Variants in MTTP observed in about 807,000 individuals in gnomAD.
MTTP encodes the protein microsomal triglyceride transfer protein.
MTTP carries 49 observed loss-of-function variants against 90.6 expected under a neutral mutation model. The ratio of observed to expected loss-of-function variants is 0.54; its 90% CI spans 0.43 to 0.69. MTTP has a LOEUF of 0.69. Among genes scored for constraint, MTTP ranks in the 30% least tolerant of loss-of-function variants. The pLI is 0.00. For missense variants in MTTP, 945 were observed against 1,067.5 expected, an observed-to-expected ratio of 0.89 and a Z score of 1.60; for synonymous variants, 347 against 384.2, an observed-to-expected ratio of 0.90 and a Z score of 1.13.
chr4:99,621,331 G>A, intron 17 of MTTP, 100 bp downstream of exon 17: 1 of 1,395,258 alleles, frequency 7.2e-7, no homozygotes, highest in Non-Finnish European at 1.0e-6. Context: ...AAACAAAACA[G>A]TAGAAACCCA....
chr4:99,589,901 C>G (rs1725372394), intron 4 of MTTP, 151 bp downstream of exon 4: 1 of 652,126 alleles, frequency 1.5e-6, no homozygotes, highest in Non-Finnish European at 2.7e-6. Flanking sequence ...AAACAATTGC[C>G]ATTTATCCCA....
rs1214300294 is a variant in MTTP at position 99,623,440 on chromosome 4, T to A, written c.*592T>A. On this transcript the variant is annotated 3_prime_UTR_variant, in exon 18 of 18. Coordinates refer to ENST00000265517, the MANE Select transcript of MTTP (RefSeq NM_001386140.1). ...TCTCTGTTATTGTTAGTTTTAAGCC[T>A]TAAGGTAGAAGGCACATAGAAATAA... 1.3e-5 allele frequency: 2 copies of A among 156,918 alleles called. No individual in the cohort carries two copies. The highest frequency in any genetic ancestry group is 3.8e-4 in the East Asian group (2 of 5,316). 9.7% of individuals were successfully genotyped at this position (156,918 alleles called of 1,614,324 possible).
Position 99,581,953 on chromosome 4 carries a change from C to G in MTTP, c.110C>G (p.Thr37Arg). The change falls in exon 2 of 18, where the codon ACG (threonine) becomes AGG (arginine). Residue 37 changes from threonine (T) to arginine (R), a missense_variant. Transcript: ENST00000265517. ...SLNNDRLYKLTYSTEVLLDRG... is the reference protein window; with the variant it reads ...SLNNDRLYKLRYSTEVLLDRG... ...AATAATGACCGGCTGTACAAGCTCA[C>G]GTACTCCACTGAAGTTCTTCTTGAT... 6.2e-7 allele frequency: 1 copy of G among 1,614,134 alleles called. No homozygotes were observed. Among genetic ancestry groups the G allele is most frequent in the Non-Finnish European group, 8.5e-7 (1 of 1,179,992 alleles).
chr4:99,569,532 T>G (rs1437856009), intron 1 of MTTP, among the ~76,000 whole-genome samples: 1 of 152,038 alleles, frequency 6.6e-6, no homozygotes, highest in Non-Finnish European at 1.5e-5. Flanking sequence ...AATCTTTGTG[T>G]TATTTTAGCA....
chr4:99,612,913 G>A lies in MTTP; in HGVS notation c.1990G>A (p.Val664Met). Residue 664 changes from valine to methionine, a missense_variant and splice_region_variant, in exon 15 of 18, where the codon GTG (valine) becomes ATG (methionine). By Grantham distance (21) the Val-to-Met change is conservative (BLOSUM62 1). Transcript: ENST00000265517. ...TGAACATTATATTGATTTTATCCAG[G>A]TGGTTATTGAAGCCCAAGGACTGGA... ...IGKAGLHGSQ[V>M]VIEAQGLEAL... 1 of 1,613,372 alleles carries A rather than the reference G, an allele frequency of 6.2e-7. No individual in the cohort carries two copies. Among genetic ancestry groups the A allele is most frequent in the South Asian group, 1.1e-5 (1 of 91,070 alleles).
At chr4:99,584,070 A>G (rs1395506854) in intron 3 of MTTP, 1 of 153,430 alleles carries the variant, frequency 6.5e-6, no homozygotes, top group African/African-American at 2.4e-5. Flanking sequence ...ATATATTAAA[A>G]TAATGATTGA....
chr4:99,620,647 G>A (rs1008827380), intron 16 of MTTP, among the ~76,000 whole-genome samples: 1 of 152,218 alleles, frequency 6.6e-6, no homozygotes, highest in Non-Finnish European at 1.5e-5. Context: ...CAGAGAGATA[G>A]TTAACAAAAA....
Position 99,616,888 on chromosome 4 carries a change from G to C in MTTP, c.2218-2086G>C, listed in dbSNP as rs1480643713. On this transcript the variant is annotated intron_variant, in intron 15 of 17. Transcript: ENST00000265517. Reference sequence around the variant, plus strand: ...GAAATGGCCTTTTCCATGGCACTTGGTGTATTTTGCCTTCCATTTAATATA... The same window carrying C: ...GAAATGGCCTTTTCCATGGCACTTGCTGTATTTTGCCTTCCATTTAATATA... Among the ~76,000 whole-genome samples, 4 of 152,186 alleles carry C rather than the reference G, an allele frequency of 2.6e-5. No individual in the cohort carries two copies. The East Asian group carries it at 5.8e-4, about 22-fold the overall frequency.
chr4:99,618,072 C>T (rs900194731), intron 15 of MTTP, among the ~76,000 whole-genome samples: 1 of 151,938 alleles, frequency 6.6e-6, no homozygotes, highest in African/African-American at 2.4e-5. Flanking sequence ...TATAGCAAAA[C>T]GACAGTATAT....
chr4:99,616,966 G>T (rs1726112626), intron 15 of MTTP, among the ~76,000 whole-genome samples: 2 of 152,182 alleles, frequency 1.3e-5, no homozygotes, highest in Non-Finnish European at 2.9e-5. Flanking sequence ...GGACTGGGTG[G>T]ATGAACAAGA....
rs779068565 is a variant in MTTP, at chr4:99,581,973, C to G, written c.130C>G (p.Leu44Val). The stretch of plus-strand genomic sequence containing the variant: ...GCTCACGTACTCCACTGAAGTTCTT[C>G]TTGATCGGGGCAAAGGAAAACTGCA... ...YKLTYSTEVL[L>V]DRGKGKLQDS... The change falls in exon 2 of 18, where the codon CTT (leucine) becomes GTT (valine). Residue 44 changes from leucine (L) to valine (V), a missense_variant. Leu to Val is a conservative substitution (Grantham distance 32). Transcript: ENST00000265517. 6.3e-5 allele frequency: 102 copies of G among 1,614,050 alleles called. No individual in the cohort carries two copies. Among genetic ancestry groups the G allele is most frequent in the Non-Finnish European group, 8.6e-5 (101 of 1,180,022 alleles).
intron 1 of MTTP, among the ~76,000 whole-genome samples, chr4:99,579,463 G>A (rs1195849968): frequency 2.0e-5 from 3 of 152,262 alleles, no homozygotes; most frequent in East Asian, 3.9e-4. Flanking sequence ...GGGTAGAAAG[G>A]GTAGGAGTTG....
intron 1 of MTTP, among the ~76,000 whole-genome samples, chr4:99,566,742 T>C (rs554037999): frequency 6.6e-6 from 1 of 152,348 alleles, no homozygotes; most frequent in South Asian, 2.1e-4. Flanking sequence ...TTCAGACAGT[T>C]GGCAACCAGT....
chr4:99,619,832 A>T (rs1560627605), intron 16 of MTTP, among the ~76,000 whole-genome samples: 1 of 152,224 alleles, frequency 6.6e-6, no homozygotes. Context: ...GTGAAGTGTG[A>T]CCCACAGTGT....
chr4:99,616,920 G>T (rs1726111436), intron 15 of MTTP, among the ~76,000 whole-genome samples: 1 of 152,170 alleles, frequency 6.6e-6, no homozygotes, highest in Non-Finnish European at 1.5e-5. Flanking sequence ...TATATGGTTG[G>T]TGGGAAGGCC....
chr4:99,588,678 G>T, intron 3 of MTTP, among the ~76,000 whole-genome samples: 2 of 145,462 alleles, frequency 1.4e-5, no homozygotes, highest in Admixed American at 7.1e-5. Flanking sequence ...AAATTTTCCA[G>T]CCTTCTGAAT....
Position 99,600,647 on chromosome 4 carries a change from G to A in MTTP, c.1150G>A (p.Asp384Asn), listed in dbSNP as rs780767739. Residue 384 changes from aspartate to asparagine, a missense_variant, in exon 9 of 18, where the codon GAC (aspartate) becomes AAC (asparagine). Asp to Asn is a conservative substitution (Grantham distance 23, BLOSUM62 1). Transcript: ENST00000265517. The stretch of plus-strand genomic sequence containing the variant: ...TTTGGACTTTTTGGATTTCAAAAGT[G>A]ACAGCAGCATTATCCTCCAGGAGAG... ...AILDFLDFKS[D>N]SSIILQERFL... The A allele has an allele frequency of 4.3e-6, 7 of 1,613,804 alleles. No homozygotes were observed. The highest frequency in any genetic ancestry group is 5.1e-6 in the Non-Finnish European group (6 of 1,179,804).
chr4:99,605,586 G>A lies in MTTP; in HGVS notation c.1345-1162G>A, dbSNP rs1473146270. Among the ~76,000 whole-genome samples, 156 of 152,166 alleles carry A rather than the reference G, an allele frequency of 1.0e-3. 2 individuals carry two copies. Among genetic ancestry groups the A allele is most frequent in the Non-Finnish European group, 1.0e-4 (7 of 68,014 alleles). On this transcript the variant is annotated intron_variant, in intron 10 of 17. Transcript: ENST00000265517. ...TTGTTGAGATGTAGCTTCAGGGATA[G>A]AGTTGCTGGTCAAAAAGCAGTTCTG...
chr4:99,580,247 A>G (rs998038359), intron 1 of MTTP, among the ~76,000 whole-genome samples: 2 of 151,810 alleles, frequency 1.3e-5, no homozygotes, highest in South Asian at 2.1e-4. Flanking sequence ...TATAGTATAG[A>G]TAAGAGCATC....
Sources: gnomAD v4.1 joint callset for allele counts (sites outside exome capture counted in the v4.1 genomes callset) on GRCh38, gnomAD v4.1.1 for gene constraint, MANE v1.5 for transcripts, NCBI Gene and HGNC (gene_info 2026-07-23, HGNC 2026-07-21) for gene names.